Variants in MEGF11 observed in about 807,000 individuals in gnomAD.
MEGF11 encodes multiple EGF like domains 11.
Under a neutral mutation model 146.6 loss-of-function variants are expected in MEGF11, and 126 were observed. The ratio of observed to expected loss-of-function variants is 0.86; its 90% CI spans 0.74 to 1.00. The LOEUF (loss-of-function observed/expected upper bound fraction) is 1.00. MEGF11 is among the 50% of genes least tolerant of loss of function. The pLI is 0.00. For synonymous variants in MEGF11, 532 were observed against 583.4 expected, an observed-to-expected ratio of 0.91 and a Z score of 1.27; for missense variants, 1,509 against 1,521.2, an observed-to-expected ratio of 0.99 and a Z score of 0.13.
intron 5 of MEGF11, among the ~76,000 whole-genome samples, chr15:66,021,586 G>C (rs1233448060): frequency 6.6e-6 from 1 of 152,198 alleles, no homozygotes; most frequent in African/African-American, 2.4e-5. Context: ...CTGTGAGAAG[G>C]AAAAAGGCTG....
intron 1 of MEGF11, among the ~76,000 whole-genome samples, chr15:66,171,086 G>T (rs2090240957): frequency 6.6e-6 from 1 of 152,230 alleles, no homozygotes; most frequent in South Asian, 2.1e-4. Context: ...CTGGAGCCTT[G>T]TCTCAAGCTC....
chr15:65,929,790 C>T lies in MEGF11; in HGVS notation c.1502G>A (p.Cys501Tyr). The change falls in exon 12 of 26, where the codon TGC (cysteine) becomes TAC (tyrosine). Residue 501 changes from cysteine to tyrosine, a missense_variant. Transcript: ENST00000395614. ...ESCTCANGAA[C>Y]SPIDGSCSCT... ...GGAGCAGGAGCCGTCTATGGGGCTGCAGGCTGCCCCATTGGCACAGGTGCA... is the reference window on the plus strand; with the variant it reads ...GGAGCAGGAGCCGTCTATGGGGCTGTAGGCTGCCCCATTGGCACAGGTGCA... The T allele has an allele frequency of 1.9e-6, 3 of 1,563,660 alleles. No homozygotes were observed. The highest frequency in any genetic ancestry group is 2.4e-5 in the South Asian group (2 of 84,832).
intron 1 of MEGF11, among the ~76,000 whole-genome samples, chr15:66,191,499 G>A (rs774899626): frequency 1.2e-4 from 18 of 152,122 alleles, no homozygotes; most frequent in Non-Finnish European, 2.5e-4. Flanking sequence ...TCGGGGTTGC[G>A]GGGGTGTTAA....
intron 1 of MEGF11, among the ~76,000 whole-genome samples, chr15:66,211,660 T>C (rs1464750638): frequency 1.3e-5 from 2 of 151,486 alleles, no homozygotes; most frequent in African/African-American, 2.4e-5. Context: ...GTCACACAGC[T>C]CAATGCCTCA....
chr15:66,027,292 C>A (rs1379316244), intron 5 of MEGF11, among the ~76,000 whole-genome samples: 1 of 152,242 alleles, frequency 6.6e-6, no homozygotes, highest in East Asian at 1.9e-4. Context: ...CACTAGGGTT[C>A]CCAGTAGCTC....
chr15:65,974,619 C>T (rs1465000355), intron 7 of MEGF11, among the ~76,000 whole-genome samples: 3 of 152,154 alleles, frequency 2.0e-5, no homozygotes, highest in African/African-American at 7.2e-5. Flanking sequence ...TGTGCCACTG[C>T]ACTCCAGCCT....
intron 10 of MEGF11, among the ~76,000 whole-genome samples, chr15:65,942,499 TTGAA>T (rs754628810): frequency 6.6e-6 from 1 of 151,966 alleles, no homozygotes; most frequent in Non-Finnish European, 1.5e-5. Context: ...TGTATATCCT[TTGAA>T]TGAGAGAAAG....
intron 1 of MEGF11, among the ~76,000 whole-genome samples, chr15:66,195,156 T>C (rs2090978781): frequency 6.6e-6 from 1 of 152,194 alleles, no homozygotes; most frequent in Admixed American, 6.5e-5. Flanking sequence ...TATGTCTGTG[T>C]CTTAATCTCT....
At chr15:65,931,421 T>A (rs2079571375) in intron 10 of MEGF11, among the ~76,000 whole-genome samples, 1 of 152,186 alleles carries the variant, frequency 6.6e-6, no homozygotes, top group Non-Finnish European at 1.5e-5. Context: ...GACCCTCTCC[T>A]AAAGCTTCCA....
chr15:66,131,205 G>C (rs536848126), intron 1 of MEGF11, among the ~76,000 whole-genome samples: 1 of 152,236 alleles, frequency 6.6e-6, no homozygotes, highest in Non-Finnish European at 1.5e-5. Context: ...ATAAAGGGAA[G>C]AGAAAGTGCC....
At chr15:65,916,686 C>G (rs1340257255) in intron 17 of MEGF11, 142 bp downstream of exon 17, 38 of 1,411,610 alleles carry the variant, frequency 2.7e-5, no homozygotes, top group Non-Finnish European at 3.7e-5. Context: ...CTCCTCAGTT[C>G]TCGTGGGGCA....
chr15:65,952,535 T>A (rs1468007652), intron 10 of MEGF11, among the ~76,000 whole-genome samples: 1 of 152,166 alleles, frequency 6.6e-6, no homozygotes, highest in Non-Finnish European at 1.5e-5. Flanking sequence ...GACCCCTCAC[T>A]CTGCCTTCTC....
At chr15:66,242,209 C>T (rs2092223364) in intron 1 of MEGF11, among the ~76,000 whole-genome samples, 1 of 151,854 alleles carries the variant, frequency 6.6e-6, no homozygotes, top group Admixed American at 6.6e-5. Flanking sequence ...GAGTTTGAGA[C>T]CAGCCTGGGC....
intron 5 of MEGF11, among the ~76,000 whole-genome samples, chr15:66,042,357 A>C (rs375505619): frequency 4.3e-4 from 66 of 152,198 alleles, no homozygotes; most frequent in African/African-American, 1.4e-3. Flanking sequence ...TGATCTGCCC[A>C]CTTCGGCCTC....
chr15:66,240,423 C>A (rs576217784), intron 1 of MEGF11, among the ~76,000 whole-genome samples: 2 of 152,332 alleles, frequency 1.3e-5, no homozygotes, highest in African/African-American at 4.8e-5. Context: ...CACGAAGGGA[C>A]GCAGGCCTGT....
chr15:66,093,829 C>T (rs1010608014), intron 5 of MEGF11, among the ~76,000 whole-genome samples: 3 of 152,110 alleles, frequency 2.0e-5, no homozygotes, highest in Non-Finnish European at 2.9e-5. Context: ...GAGCATCCAC[C>T]TCACCCCAGG....
intron 10 of MEGF11, among the ~76,000 whole-genome samples, chr15:65,939,079 GAGTCTGTCTTCT>G (rs1039012711): frequency 6.6e-6 from 1 of 152,180 alleles, no homozygotes; most frequent in African/African-American, 2.4e-5. Context: ...GCAATTGTGT[GAGTCTGTCTTCT>G]AGTCCCCTTA....
chr15:66,024,699 C>T (rs2083269985), intron 5 of MEGF11, among the ~76,000 whole-genome samples: 1 of 152,140 alleles, frequency 6.6e-6, no homozygotes, highest in Non-Finnish European at 1.5e-5. Flanking sequence ...CAAGCCAGGA[C>T]TGAATCCCTG....
At chr15:66,077,134 C>T (rs1222723645) in intron 5 of MEGF11, among the ~76,000 whole-genome samples, 5 of 152,216 alleles carry the variant, frequency 3.3e-5, no homozygotes, top group African/African-American at 1.2e-4. Context: ...AACACCATGC[C>T]ACCTGCCCTG....
Sources: gnomAD v4.1 joint callset for allele counts (sites outside exome capture counted in the v4.1 genomes callset) on GRCh38, gnomAD v4.1.1 for gene constraint, MANE v1.5 for transcripts, NCBI Gene and HGNC (gene_info 2026-07-23, HGNC 2026-07-21) for gene names.